Variants in ITGA8 observed in about 807,000 individuals in gnomAD.
ITGA8 encodes the protein integrin alpha-8.
In ITGA8, 91 loss-of-function variants were observed where a neutral mutation model predicts 142.3. That is an observed-to-expected ratio of 0.64 (90% CI 0.54 to 0.76). The LOEUF is 0.76. ITGA8 is among the 30% of genes least tolerant of loss of function. The probability of loss-of-function intolerance (pLI) is 0.00; values close to 1 mark genes in which losing one functional copy is unlikely to be tolerated. For synonymous variants in ITGA8, 505 were observed against 485.2 expected (o/e 1.04, Z -0.54); for missense variants, 1,406 against 1,327.7 (o/e 1.06, Z -0.92).
intron 20 of ITGA8, among the ~76,000 whole-genome samples, chr10:15,602,266 T>C (rs1471864123): frequency 6.6e-6 from 1 of 152,266 alleles, no homozygotes. Context: ...TAAGTATTTG[T>C]AGACGTCATT....
chr10:15,654,434 GA>G (rs1834146906), intron 11 of ITGA8, among the ~76,000 whole-genome samples: 1 of 152,120 alleles, frequency 6.6e-6, no homozygotes, highest in Admixed American at 6.5e-5. Flanking sequence ...TATGTTCAAT[GA>G]AAGAATAATA....
intron 21 of ITGA8, among the ~76,000 whole-genome samples, chr10:15,596,241 C>T (rs1044130216): frequency 6.6e-6 from 1 of 152,144 alleles, no homozygotes; most frequent in Non-Finnish European, 1.5e-5. Flanking sequence ...AAGGGCTTTT[C>T]ACCATGTTGC....
chr10:15,654,346 G>A (rs1834145119), intron 11 of ITGA8, among the ~76,000 whole-genome samples: 1 of 152,130 alleles, frequency 6.6e-6, no homozygotes, highest in Admixed American at 6.6e-5. Flanking sequence ...CCTAACTCTA[G>A]TATAATCTTC....
At chr10:15,612,812 A>G (rs762602146) in intron 15 of ITGA8, among the ~76,000 whole-genome samples, 6 of 152,242 alleles carry the variant, frequency 3.9e-5, no homozygotes, top group Non-Finnish European at 7.3e-5. Context: ...CAAAACTGGT[A>G]TCTGTTGTCA....
chr10:15,572,447 C>A, intron 24 of ITGA8, 78 bp from the exon 25 acceptor site: 1 of 1,271,754 alleles, frequency 7.9e-7, no homozygotes, highest in South Asian at 1.6e-5. Context: ...ACTCTATACC[C>A]ATTTTAGAAA....
intron 20 of ITGA8, 107 bp from the exon 21 acceptor site, chr10:15,597,406 G>A (rs1833027976): frequency 1.3e-6 from 1 of 795,042 alleles, no homozygotes; most frequent in South Asian, 1.5e-5. Flanking sequence ...ACACCCAGGA[G>A]GGCGATAGTG....
At chr10:15,679,550 C>G (rs561037156) in intron 4 of ITGA8, among the ~76,000 whole-genome samples, 21 of 152,286 alleles carry the variant, frequency 1.4e-4, no homozygotes, top group African/African-American at 5.1e-4. Context: ...CCACTGCACT[C>G]CAGCCTGGGT....
chr10:15,679,952 C>A (rs1359707548), intron 4 of ITGA8, among the ~76,000 whole-genome samples: 3 of 152,160 alleles, frequency 2.0e-5, no homozygotes, highest in African/African-American at 4.8e-5. Flanking sequence ...GAATCTCAAT[C>A]CTGCATAGTT....
intron 2 of ITGA8, among the ~76,000 whole-genome samples, chr10:15,713,628 C>T (rs2131741005): frequency 6.6e-6 from 1 of 152,204 alleles, no homozygotes; most frequent in East Asian, 1.9e-4. Context: ...TGTTTCCCAA[C>T]CCTCACATGA....
At chr10:15,656,212 G>C (rs79682203) in intron 10 of ITGA8, among the ~76,000 whole-genome samples, 138 of 152,114 alleles carry the variant, frequency 9.1e-4, no homozygotes, top group Non-Finnish European at 1.6e-3. Context: ...TAAGATTTAC[G>C]CTTCCTGCTT....
At chr10:15,613,212 A>G (rs1046573844) in intron 15 of ITGA8, among the ~76,000 whole-genome samples, 29 of 151,566 alleles carry the variant, frequency 1.9e-4, no homozygotes, top group African/African-American at 6.3e-4. Flanking sequence ...TAAACAGGAC[A>G]TTATATGTGC....
chr10:15,595,257 C>A (rs550376466), intron 21 of ITGA8, among the ~76,000 whole-genome samples: 1 of 152,132 alleles, frequency 6.6e-6, no homozygotes, highest in Non-Finnish European at 1.5e-5. Flanking sequence ...ACATTCCTGG[C>A]AATTTATGTT....
intron 2 of ITGA8, among the ~76,000 whole-genome samples, chr10:15,691,464 A>G (rs1215743937): frequency 6.6e-6 from 1 of 152,214 alleles, no homozygotes; most frequent in Non-Finnish European, 1.5e-5. Flanking sequence ...ACGGATGAAT[A>G]AAGAAAATGT....
At chr10:15,614,808 C>G (rs2131617571) in intron 14 of ITGA8, among the ~76,000 whole-genome samples, 1 of 152,202 alleles carries the variant, frequency 6.6e-6, no homozygotes, top group South Asian at 2.1e-4. Flanking sequence ...CAAGCCACTT[C>G]TCTGTATTTT....
chr10:15,661,960 G>A (rs1834295720), intron 8 of ITGA8, among the ~76,000 whole-genome samples: 1 of 152,124 alleles, frequency 6.6e-6, no homozygotes, highest in Non-Finnish European at 1.5e-5. Context: ...GATATAATAG[G>A]GTTGACTGAT....
intron 4 of ITGA8, among the ~76,000 whole-genome samples, chr10:15,680,176 T>A (rs915696710): frequency 6.6e-5 from 10 of 150,714 alleles, no homozygotes; most frequent in Non-Finnish European, 1.5e-4. Flanking sequence ...ATTAGTTAGC[T>A]AGTTTTAGCG....
chr10:15,576,739 G>C (rs923154283), intron 23 of ITGA8, among the ~76,000 whole-genome samples: 3 of 152,100 alleles, frequency 2.0e-5, no homozygotes, highest in Non-Finnish European at 4.4e-5. Context: ...CAAATGTTCG[G>C]AAAACATCTC....
At chr10:15,555,928 A>T (rs888258645) in intron 26 of ITGA8, among the ~76,000 whole-genome samples, 2 of 145,258 alleles carry the variant, frequency 1.4e-5, no homozygotes, top group Non-Finnish European at 3.0e-5. Context: ...TGATCTCCTG[A>T]CCTCGTGATC....
chr10:15,681,428 A>G (rs562457913), intron 4 of ITGA8, among the ~76,000 whole-genome samples: 2 of 152,324 alleles, frequency 1.3e-5, no homozygotes, highest in Non-Finnish European at 2.9e-5. Flanking sequence ...TTATTGAGCT[A>G]TTCTGCAACT....
Sources: gnomAD v4.1 joint callset for allele counts (sites outside exome capture counted in the v4.1 genomes callset) on GRCh38, gnomAD v4.1.1 for gene constraint, MANE v1.5 for transcripts, NCBI Gene and HGNC (gene_info 2026-07-23, HGNC 2026-07-21) for gene names.